Variants in LYPD3 observed in about 807,000 individuals in gnomAD.
The protein encoded by LYPD3 is ly6/PLAUR domain-containing protein 3.
A neutral mutation model predicts 21.7 loss-of-function variants in LYPD3; 22 were observed. The ratio of observed to expected loss-of-function variants is 1.01; its 90% CI spans 0.72 to 1.45. The LOEUF is 1.45. Ranked by LOEUF, LYPD3 falls within the 40% of genes most tolerant of loss-of-function variation. The probability of loss-of-function intolerance (pLI) is 0.00; values close to 1 mark genes in which losing one functional copy is unlikely to be tolerated. For synonymous variants in LYPD3, 179 were observed against 203.0 expected, an observed-to-expected ratio of 0.88 and a Z score of 1.00; for missense variants, 471 against 466.9, an observed-to-expected ratio of 1.01 and a Z score of -0.08.
chr19:43,464,597 AG>A (rs1970806326), intron 1 of LYPD3, 141 bp from the exon 2 acceptor site: 2 of 1,107,114 alleles, frequency 1.8e-6, no homozygotes, highest in Admixed American at 4.8e-5. Flanking sequence ...AGTAGGGAAA[AG>A]CTTTCCACAA....
intron 1 of LYPD3, 139 bp downstream of exon 1, chr19:43,465,354 A>G (rs1970813005): frequency 4.3e-6 from 4 of 930,818 alleles, no homozygotes. Flanking sequence ...TCCCTTGCTT[A>G]GGATGGGGGA....
Position 43,464,494 on chromosome 19 carries a change from G to A in LYPD3, c.80-38C>T. Reference sequence around the variant, plus strand: ...AGCCGAATAGACCTGAGCCCTCCTTGCTAAAGCGTCCACCCCCAAGGAGAA... The same window carrying A: ...AGCCGAATAGACCTGAGCCCTCCTTACTAAAGCGTCCACCCCCAAGGAGAA... On this transcript the variant is annotated intron_variant, in intron 1 of 4. Transcript: ENST00000244333. 1.9e-6 allele frequency: 3 copies of A among 1,612,840 alleles called. No individual in the cohort carries two copies. The South Asian group carries it at 3.3e-5, about 18-fold the overall frequency.
chr19:43,465,371 C>A, intron 1 of LYPD3, 122 bp downstream of exon 1: 1 of 1,129,422 alleles, frequency 8.9e-7, no homozygotes, highest in Admixed American at 2.2e-5. Context: ...GGGAACTTTG[C>A]CCACAGTGCC....
rs765744415 is a variant in LYPD3, at chr19:43,463,652, T to G, written c.329A>C (p.Gln110Pro). Residue 110 changes from glutamine to proline, a missense_variant, in exon 3 of 5, where the codon CAG becomes CCG. Physicochemically the swap from Gln to Pro is moderately conservative, Grantham distance 76 (BLOSUM62 -1). Coordinates refer to ENST00000244333, the MANE Select transcript of LYPD3 (RefSeq NM_014400.3). ...LAFIQLQQCA[Q>P]DRCNAKLNLT... ...GTTGAGCTTGGCGTTGCAGCGATCC[T>G]GAGCGCATTGCTGCAGCTGGATGAA... 1 of 1,608,116 alleles carries G rather than the reference T, an allele frequency of 6.2e-7. No homozygotes were observed. Among genetic ancestry groups the G allele is most frequent in the South Asian group, 1.1e-5 (1 of 91,082 alleles).
chr19:43,463,244 G>A lies in LYPD3; in HGVS notation c.426C>T (p.Ser142=), dbSNP rs1478019826. Residue 142 remains serine (S), a synonymous_variant, in exon 4 of 5, where the codon AGC becomes AGT. Transcript: ENST00000244333. Reference sequence around the variant, plus strand: ...ACGCCTCCCGGCTCAGGCCCACACAGCTGTAGCACTCCACGCCGTTGGGCG... The same window carrying A: ...ACGCCTCCCGGCTCAGGCCCACACAACTGTAGCACTCCACGCCGTTGGGCG... The part of the protein sequence containing the change: ...AYPPNGVECY[S]CVGLSREACQ... 1 of 1,606,624 alleles carries A rather than the reference G, an allele frequency of 6.2e-7. No individual in the cohort carries two copies. The highest frequency in any genetic ancestry group is 8.5e-7 in the Non-Finnish European group (1 of 1,179,970).
rs763451896 is a variant in LYPD3, at chr19:43,465,448, G to T, written c.79+45C>A. The T allele has an allele frequency of 3.3e-5, 52 of 1,595,448 alleles. 1 individual carries two copies. In the Admixed American group the frequency reaches 8.6e-4, roughly 26 times the overall value. On this transcript the variant is annotated intron_variant, in intron 1 of 4. Transcript: ENST00000244333. ...GGGGCCAGAGGAGCCTCCTCCCTAA[G>T]AGCCCCCACTCTACCCCCTCCACCT...
intron 4 of LYPD3, among the ~76,000 whole-genome samples, 179 bp downstream of exon 4, chr19:43,462,947 G>A (rs910544563): frequency 6.6e-5 from 10 of 152,238 alleles, no homozygotes; most frequent in African/African-American, 2.4e-4. Flanking sequence ...CTATTAATAT[G>A]TTGGGGGAAG....
intron 2 of LYPD3, chr19:43,464,046 T>C: frequency 4.9e-6 from 3 of 611,052 alleles, no homozygotes; most frequent in South Asian, 2.0e-5. Flanking sequence ...GGAGGTCTCA[T>C]TGGTGGAGCA....
rs1970795788 is a variant in LYPD3 at position 43,463,710 on chromosome 19, C to G, written c.271G>C (p.Asp91His). 1 of 1,613,146 alleles carries G rather than the reference C, an allele frequency of 6.2e-7. No individual in the cohort carries two copies. Residue 91 changes from aspartate to histidine, a missense_variant, in exon 3 of 5, where the codon GAC becomes CAC. Asp to His is a moderately conservative substitution (Grantham distance 81). Coordinates refer to ENST00000244333, the MANE Select transcript of LYPD3 (RefSeq NM_014400.3). ...AGCCCGTGAAGATCCAGGCCGCGGT[C>G]ATTCTTGCCGGGGAGTCCCGAACCG... ...GCGSGLPGKN[D>H]RGLDLHGLLA...
chr19:43,464,320 C>T lies in LYPD3; in HGVS notation c.211+5G>A, dbSNP rs975356351. 3.7e-6 allele frequency: 6 copies of T among 1,601,656 alleles called. No homozygotes were observed. Among genetic ancestry groups the T allele is most frequent in the Non-Finnish European group, 5.1e-6 (6 of 1,174,868 alleles). ...GGTGTGCGTGGCCCGGGGGTCCCCACTCACTGGTCTCCACCGCCCCCACGG... is the reference window on the plus strand; with the variant it reads ...GGTGTGCGTGGCCCGGGGGTCCCCATTCACTGGTCTCCACCGCCCCCACGG... On this transcript the variant is annotated splice_donor_5th_base_variant and intron_variant, in intron 2 of 4. Transcript: ENST00000244333.
chr19:43,463,160 C>T lies in LYPD3; in HGVS notation c.510G>A (p.Lys170=), dbSNP rs144380603. Residue 170 remains lysine, a synonymous_variant, in exon 4 of 5, where the codon AAG becomes AAA. Coordinates refer to ENST00000244333, the MANE Select transcript of LYPD3 (RefSeq NM_014400.3). The stretch of plus-strand genomic sequence containing the variant: ...AGGTGACGTTGCCGTCGAAGCAGCC[C>T]TTGTAGACATGATCGCTGGCGTTGT... ...SCYNASDHVY[K]GCFDGNVTLT... 6.3e-5 allele frequency: 102 copies of T among 1,612,244 alleles called. No homozygotes were observed. Among genetic ancestry groups the T allele is most frequent in the Non-Finnish European group, 5.7e-5 (67 of 1,180,034 alleles).
chr19:43,462,994 C>G, intron 4 of LYPD3, 132 bp downstream of exon 4: 1 of 923,964 alleles, frequency 1.1e-6, no homozygotes, highest in South Asian at 1.5e-5. Context: ...GATACAAGCA[C>G]CTAGGCCCCA....
chr19:43,465,230 G>A (rs1446074348), intron 1 of LYPD3, among the ~76,000 whole-genome samples: 1 of 152,124 alleles, frequency 6.6e-6, no homozygotes, highest in African/African-American at 2.4e-5. Flanking sequence ...CCCGGCCTAG[G>A]AACAGGGGAC....
At position 43,463,163 on chromosome 19, in the gene LYPD3, G is replaced by A; in HGVS notation, c.507C>T (p.Tyr169=). 1.2e-6 allele frequency: 2 copies of A among 1,612,386 alleles called. No individual in the cohort carries two copies. Among genetic ancestry groups the A allele is most frequent in the Non-Finnish European group, 1.7e-6 (2 of 1,180,032 alleles). Residue 169 remains tyrosine (Y), a synonymous_variant, in exon 4 of 5, where the codon TAC becomes TAT. Transcript: ENST00000244333. ...VSCYNASDHV[Y]KGCFDGNVTL... is the part of the protein sequence containing the mutation. ...TGACGTTGCCGTCGAAGCAGCCCTT[G>A]TAGACATGATCGCTGGCGTTGTAGC... is the stretch of plus-strand genomic sequence containing the variant.
rs747944938 is a variant in LYPD3, at chr19:43,463,484, G to A, written c.382+115C>T. On this transcript the variant is annotated intron_variant, in intron 3 of 4. Coordinates refer to ENST00000244333, the MANE Select transcript of LYPD3 (RefSeq NM_014400.3). ...CTGCCTCTTGGCCCCGCCCCAGAGT[G>A]TGACCCCACCCCCAGCCCAGGTCGA... The A allele has an allele frequency of 1.2e-5, 17 of 1,363,798 alleles. 1 individual carries two copies. The highest frequency in any genetic ancestry group is 1.2e-4 in the South Asian group (10 of 80,392). The allele number at this position is 1,363,798 out of a possible 1,614,324, so 84.5% of individuals were successfully genotyped here.
chr19:43,461,247 G>A lies in LYPD3; in HGVS notation c.*104C>T. On this transcript the variant is annotated 3_prime_UTR_variant, in exon 5 of 5. Transcript: ENST00000244333. The stretch of plus-strand genomic sequence containing the variant: ...GATACTGGGGAATGTTGGAAAAACA[G>A]GGGCTGGGCCAGCCCAGTCCAGTGG... The A allele has an allele frequency of 7.5e-7, 1 of 1,335,644 alleles. No homozygotes were observed. The highest frequency in any genetic ancestry group is 2.5e-5 in the East Asian group (1 of 39,352). The allele number at this position is 1,335,644 out of a possible 1,614,324, so 82.7% of individuals were successfully genotyped here. A position where few individuals can be genotyped will look rare whatever the true frequency, so the allele number is the denominator to read the frequency against.
At position 43,463,230 on chromosome 19, in the gene LYPD3, C is replaced by T. The variant is rs781529642; in HGVS notation, c.440G>A (p.Ser147Asn). ...GVECYSCVGLSREACQGTSPP... is the reference protein window; with the variant it reads ...GVECYSCVGLNREACQGTSPP... ...CGATGTACCCTGGCACGCCTCCCGGCTCAGGCCCACACAGCTGTAGCACTC... is the reference window on the plus strand; with the variant it reads ...CGATGTACCCTGGCACGCCTCCCGGTTCAGGCCCACACAGCTGTAGCACTC... Residue 147 changes from serine (S) to asparagine (N), a missense_variant, in exon 4 of 5, where the codon AGC (serine) becomes AAC (asparagine). By Grantham distance (46) the Ser-to-Asn change is conservative. Transcript: ENST00000244333. 26 of 1,608,112 alleles carry T rather than the reference C, an allele frequency of 1.6e-5. No homozygotes were observed. The highest frequency in any genetic ancestry group is 1.9e-5 in the Non-Finnish European group (23 of 1,180,000).
chr19:43,461,778 G>C lies in LYPD3; in HGVS notation c.614C>G (p.Thr205Arg), dbSNP rs772980410. The change falls in exon 5 of 5, where the codon ACA becomes AGA. Residue 205 changes from threonine (T) to arginine (R), a missense_variant. Thr to Arg is a moderately conservative substitution (Grantham distance 71, BLOSUM62 -1). Transcript: ENST00000244333. ...QDEFCTRDGVTGPGFTLSGSC... is the reference protein window; with the variant it reads ...QDEFCTRDGVRGPGFTLSGSC... ...GCCACTGAGCGTGAACCCTGGGCCT[G>C]TTACTCCATCCCGAGTGCAGAATTC... 2.8e-5 allele frequency: 46 copies of C among 1,614,150 alleles called. No homozygotes were observed. The South Asian group carries it at 4.7e-4, about 17-fold the overall frequency.
At chr19:43,463,377 G>A (rs776487728) in intron 3 of LYPD3, 90 bp from the exon 4 acceptor site, 1 of 1,478,996 alleles carries the variant, frequency 6.8e-7, no homozygotes, top group East Asian at 2.4e-5. Flanking sequence ...GCCTGGCCCC[G>A]GCACTATCGA....
Sources: allele counts gnomAD v4.1 joint callset (sites outside exome capture counted in the v4.1 genomes callset), GRCh38; gene constraint gnomAD v4.1.1; transcripts MANE v1.5; gene names NCBI Gene and HGNC (gene_info 2026-07-23, HGNC 2026-07-21).